SDK1: variants seen among roughly 807,000 people sequenced by gnomAD.
The protein encoded by SDK1 is sidekick cell adhesion molecule 1, also known as protein sidekick-1.
In SDK1, 157 loss-of-function variants were observed where a neutral mutation model predicts 245.5. That is an observed-to-expected ratio of 0.64 (90% confidence interval 0.56 to 0.73). The LOEUF is 0.73. SDK1 is among the 30% of genes least tolerant of loss of function. The probability of loss-of-function intolerance (pLI) is 0.00; values close to 1 mark genes in which losing one functional copy is unlikely to be tolerated. For synonymous variants in SDK1, 1,647 were observed against 1,278.5 expected (o/e 1.29, Z -6.15); for missense variants, 3,583 against 3,002.3 (o/e 1.19, Z -4.52).
At chr7:3,626,176 G>A (rs1782115981) in intron 2 of SDK1, among the ~76,000 whole-genome samples, 1 of 151,820 alleles carries the variant, frequency 6.6e-6, no homozygotes, top group African/African-American at 2.4e-5. Flanking sequence ...CTGGTCTCAA[G>A]CAGTCCTCCT....
At chr7:3,597,527 G>C (rs901967862) in intron 1 of SDK1, among the ~76,000 whole-genome samples, 1 of 152,112 alleles carries the variant, frequency 6.6e-6, no homozygotes, top group Non-Finnish European at 1.5e-5. Flanking sequence ...TTGCTTTTTC[G>C]AAAGTGTTAG....
At chr7:3,892,988 G>A (rs919425781) in intron 5 of SDK1, among the ~76,000 whole-genome samples, 3 of 152,182 alleles carry the variant, frequency 2.0e-5, no homozygotes, top group Non-Finnish European at 4.4e-5. Context: ...AGGCCGAGCT[G>A]CAGTAGAAGG....
At chr7:3,831,476 G>T (rs751537868) in intron 5 of SDK1, among the ~76,000 whole-genome samples, 10 of 152,054 alleles carry the variant, frequency 6.6e-5, no homozygotes, top group Non-Finnish European at 1.5e-4. Context: ...GAGTTGCTAG[G>T]CTAAATTGTC....
chr7:3,306,343 A>G (rs777827688), intron 1 of SDK1, among the ~76,000 whole-genome samples: 3 of 152,210 alleles, frequency 2.0e-5, no homozygotes, highest in Admixed American at 6.5e-5. Flanking sequence ...CTTTCATAAC[A>G]TAACATGAAT....
intron 5 of SDK1, among the ~76,000 whole-genome samples, chr7:3,918,579 T>C (rs1284018734): frequency 6.6e-6 from 1 of 152,208 alleles, no homozygotes; most frequent in Non-Finnish European, 1.5e-5. Flanking sequence ...ATTATTTCAT[T>C]CTGTATTACA....
At position 3,762,253 on chromosome 7, in the gene SDK1, C is replaced by T. The variant is rs148070607; in HGVS notation, c.714-59197C>T. ...GGGACATTCTGGGTCTCCTATGGGA[C>T]GTACTGGGTGTTCTGTGGGCATTTT... is the stretch of plus-strand genomic sequence containing the variant. On this transcript the variant is annotated intron_variant, in intron 4 of 44. Transcript: ENST00000404826. Among the ~76,000 whole-genome samples the T allele has an allele frequency of 1.0e-3, 158 of 152,174 alleles. 1 individual carries two copies. The highest frequency in any genetic ancestry group is 3.4e-3 in the African/African-American group (143 of 41,498).
intron 2 of SDK1, among the ~76,000 whole-genome samples, chr7:3,620,096 G>T (rs917011890): frequency 1.3e-5 from 2 of 152,148 alleles, no homozygotes; most frequent in African/African-American, 4.8e-5. Context: ...ATAAGAAAGA[G>T]TGGGCTGTAT....
intron 1 of SDK1, among the ~76,000 whole-genome samples, chr7:3,378,737 A>G (rs1781412599): frequency 6.6e-6 from 1 of 151,774 alleles, no homozygotes; most frequent in African/African-American, 2.4e-5. Context: ...GCAGGAGCTC[A>G]GCTTCAGGTG....
At chr7:3,332,615 C>G (rs961292123) in intron 1 of SDK1, among the ~76,000 whole-genome samples, 1 of 151,896 alleles carries the variant, frequency 6.6e-6, no homozygotes, top group Non-Finnish European at 1.5e-5. Flanking sequence ...TTTAGAATTA[C>G]TCTGTTTCTA....
Position 3,531,827 on chromosome 7 carries a change from A to C in SDK1, c.299-87253A>C, listed in dbSNP as rs138548220. Among the ~76,000 whole-genome samples, 17 of 152,364 alleles carry C rather than the reference A, an allele frequency of 1.1e-4. No homozygotes were observed. The East Asian group carries it at 3.3e-3, about 29-fold the overall frequency. ...AGAGTCATATTTTAAATATACAAAG[A>C]GTTCATAAGGAATACTTTGCGGTTC... On this transcript the variant is annotated intron_variant, in intron 1 of 44. Coordinates refer to ENST00000404826, the MANE Select transcript of SDK1 (RefSeq NM_152744.4).
chr7:4,103,378 G>C (rs115441555), intron 22 of SDK1, among the ~76,000 whole-genome samples: 2,102 of 152,296 alleles, frequency 0.014, 46 homozygotes, highest in African/African-American at 0.048. Context: ...TGAGCACCCA[G>C]TTGCTTCTAG....
chr7:3,682,581 C>T (rs572083570), intron 4 of SDK1, among the ~76,000 whole-genome samples: 14 of 152,394 alleles, frequency 9.2e-5, no homozygotes, highest in Admixed American at 2.6e-4. Context: ...GCCTTCAGCA[C>T]GGCTGGCCTC....
chr7:3,486,607 T>C (rs1451268703), intron 1 of SDK1, among the ~76,000 whole-genome samples: 10 of 152,156 alleles, frequency 6.6e-5, no homozygotes, highest in Admixed American at 5.9e-4. Flanking sequence ...TTATTTGTTA[T>C]GTATGTATGA....
At chr7:3,339,577 T>G (rs892452419) in intron 1 of SDK1, among the ~76,000 whole-genome samples, 3 of 152,090 alleles carry the variant, frequency 2.0e-5, no homozygotes, top group Non-Finnish European at 4.4e-5. Flanking sequence ...ATTTGTTCTG[T>G]GGCAATAATG....
intron 4 of SDK1, among the ~76,000 whole-genome samples, chr7:3,711,218 CTTCTT>C (rs1260753729): frequency 6.6e-6 from 1 of 152,176 alleles, no homozygotes; most frequent in East Asian, 1.9e-4. Flanking sequence ...TTGCAGATCT[CTTCTT>C]CTCTTTAAAG....
intron 1 of SDK1, among the ~76,000 whole-genome samples, chr7:3,415,492 A>G (rs188749729): frequency 2.5e-4 from 38 of 152,236 alleles, no homozygotes; most frequent in African/African-American, 8.9e-4. Flanking sequence ...TTAAAAAACA[A>G]TGATGAGTGA....
chr7:4,268,357 C>G lies in SDK1; in HGVS notation c.*2973C>G. 9.5e-7 allele frequency: 1 copy of G among 1,056,842 alleles called. No homozygotes were observed. The highest frequency in any genetic ancestry group is 1.1e-6 in the Non-Finnish European group (1 of 870,504). 65.5% of individuals were successfully genotyped at this position (1,056,842 alleles called of 1,614,324 possible). On this transcript the variant is annotated 3_prime_UTR_variant, in exon 45 of 45. Coordinates refer to ENST00000404826, the MANE Select transcript of SDK1 (RefSeq NM_152744.4). The stretch of plus-strand genomic sequence containing the variant: ...CAGAGAGAGCTGCCAGGCCACACCC[C>G]CTCGGCCTCCTGCACGGCCACCTTC...
At chr7:3,486,703 G>A (rs898521159) in intron 1 of SDK1, among the ~76,000 whole-genome samples, 3 of 152,044 alleles carry the variant, frequency 2.0e-5, no homozygotes, top group African/African-American at 7.2e-5. Flanking sequence ...GATAGATGTA[G>A]AGATAGTAGA....
At position 3,689,890 on chromosome 7, in the gene SDK1, T is replaced by C. The variant is rs576121814; in HGVS notation, c.713+47785T>C. On this transcript the variant is annotated intron_variant, in intron 4 of 44. Transcript: ENST00000404826. ...AAACCATGTTTTATTTAGAAATGCT[T>C]TGACAGCCAGAACATGTGTGTCTAT... is the stretch of plus-strand genomic sequence containing the variant. 7.2e-5 allele frequency among the ~76,000 whole-genome samples: 11 copies of C among 152,380 alleles called. No individual in the cohort carries two copies. In the South Asian group the frequency reaches 2.3e-3, roughly 32 times the overall value.
Sources: gnomAD v4.1 joint callset for allele counts (sites outside exome capture counted in the v4.1 genomes callset) on GRCh38, gnomAD v4.1.1 for gene constraint, MANE v1.5 for transcripts, NCBI Gene and HGNC (gene_info 2026-07-23, HGNC 2026-07-21) for gene names.